Variants in SHCBP1L observed in about 807,000 individuals in gnomAD.
SHCBP1L encodes SHC binding and spindle associated 1 like.
Under a neutral mutation model 62.5 loss-of-function variants are expected in SHCBP1L, and 67 were observed. That is an observed-to-expected ratio of 1.07 (90% CI 0.88 to 1.31). The LOEUF is 1.31. Ranked by LOEUF, SHCBP1L falls within the 40% of genes most tolerant of loss-of-function variation. The pLI, the probability that SHCBP1L is intolerant of heterozygous loss-of-function variation, is 0.00. For missense variants in SHCBP1L, 823 were observed against 809.8 expected (o/e 1.02, Z -0.20); for synonymous variants, 284 against 289.4 (o/e 0.98, Z 0.19).
Position 182,924,778 on chromosome 1 carries a change from A to G in SHCBP1L, c.1182+4869T>C, listed in dbSNP as rs868588535. On this transcript the variant is annotated intron_variant, in intron 6 of 9. Transcript: ENST00000367547. ...AAAGAAAGAAAGAAAGAAAGAAAGA[A>G]AGAAAGAAAGAGAGAAAGAAAGGAA... is the stretch of plus-strand genomic sequence containing the variant. Among the ~76,000 whole-genome samples, 35 of 99,096 alleles carry G rather than the reference A, an allele frequency of 3.5e-4. 4 individuals are homozygous for G. The highest frequency in any genetic ancestry group is 2.5e-3 in the East Asian group (9 of 3,572). 65.0% of individuals were successfully genotyped at this position (99,096 alleles called of 152,430 possible). A position where few individuals can be genotyped will look rare whatever the true frequency, so the allele number is the denominator to read the frequency against.
intron 6 of SHCBP1L, among the ~76,000 whole-genome samples, chr1:182,921,722 A>G (rs539418595): frequency 5.3e-5 from 8 of 152,314 alleles, no homozygotes; most frequent in African/African-American, 1.7e-4. Context: ...CTTGGCCAAC[A>G]TGGCAAAACC....
At position 182,953,136 on chromosome 1, in the gene SHCBP1L, C is replaced by A. The variant is rs966160246; in HGVS notation, c.-3G>T. 7 of 1,580,020 alleles carry A rather than the reference C, an allele frequency of 4.4e-6. No homozygotes were observed. In the African/African-American group the frequency reaches 9.4e-5, roughly 21 times the overall value. On this transcript the variant is annotated 5_prime_UTR_variant, in exon 1 of 10. Coordinates refer to ENST00000367547, the MANE Select transcript of SHCBP1L (RefSeq NM_030933.4). Reference sequence around the variant, plus strand: ...GAGGCCTTGGAGCCCGACGCCATCTCCTCAGCAGCCCGAGGGCCGAGGCAG... The same window carrying A: ...GAGGCCTTGGAGCCCGACGCCATCTACTCAGCAGCCCGAGGGCCGAGGCAG...
chr1:182,928,297 CCATGTACCAAGCAT>C (rs1650850622), intron 6 of SHCBP1L, among the ~76,000 whole-genome samples: 1 of 152,016 alleles, frequency 6.6e-6, no homozygotes, highest in South Asian at 2.1e-4. Context: ...TGGGCACCTA[CCATGTACCAAGCAT>C]CATGCTAGGT....
chr1:182,942,391 C>G, intron 2 of SHCBP1L: 1 of 733,780 alleles, frequency 1.4e-6, no homozygotes, highest in South Asian at 1.4e-5. Context: ...AGCTGACCTT[C>G]CTCTTGGGTA....
intron 6 of SHCBP1L, among the ~76,000 whole-genome samples, chr1:182,913,297 T>C (rs1034515000): frequency 6.6e-6 from 1 of 152,150 alleles, no homozygotes; most frequent in African/African-American, 2.4e-5. Context: ...GTGACTGGTG[T>C]CTGAGGGAGA....
chr1:182,928,558 C>A (rs1650857818), intron 6 of SHCBP1L, among the ~76,000 whole-genome samples: 1 of 152,010 alleles, frequency 6.6e-6, no homozygotes, highest in Admixed American at 6.6e-5. Context: ...AGTGGCTCAG[C>A]AGGCAGAGGA....
intron 8 of SHCBP1L, 122 bp from the exon 9 acceptor site, chr1:182,903,283 A>G (rs973698785): frequency 2.7e-6 from 2 of 734,066 alleles, no homozygotes; most frequent in African/African-American, 3.6e-5. Context: ...ACGTGCAAAT[A>G]CGTGATCATG....
intron 5 of SHCBP1L, among the ~76,000 whole-genome samples, chr1:182,932,585 C>T (rs1651042344): frequency 6.6e-6 from 1 of 152,136 alleles, no homozygotes; most frequent in African/African-American, 2.4e-5. Flanking sequence ...ACCTCTGCCT[C>T]CCGGGTTCAA....
At chr1:182,915,271 T>C (rs1397027201) in intron 6 of SHCBP1L, among the ~76,000 whole-genome samples, 1 of 146,132 alleles carries the variant, frequency 6.8e-6, no homozygotes, top group Non-Finnish European at 1.5e-5. Flanking sequence ...CAAACAGTAA[T>C]TGAAAAAGAG....
At chr1:182,913,470 C>T (rs1163749392) in intron 6 of SHCBP1L, among the ~76,000 whole-genome samples, 1 of 152,136 alleles carries the variant, frequency 6.6e-6, no homozygotes, top group Non-Finnish European at 1.5e-5. Flanking sequence ...CAGAAGTTTT[C>T]TGTATTGATA....
At chr1:182,924,786 A>AAGAAAGAGAGAG (rs1557996865) in intron 6 of SHCBP1L, among the ~76,000 whole-genome samples, 2 of 92,970 alleles carry the variant, frequency 2.2e-5, no homozygotes, top group African/African-American at 9.7e-5. Context: ...GAAAGAAAGA[A>AAGAAAGAGAGAG]AGAGAGAAAG....
At chr1:182,902,349 C>A (rs1410928536) in intron 9 of SHCBP1L, among the ~76,000 whole-genome samples, 3 of 152,054 alleles carry the variant, frequency 2.0e-5, no homozygotes, top group South Asian at 4.2e-4. Flanking sequence ...CTGTGCCTGG[C>A]CTTGTACCTT....
At position 182,939,381 on chromosome 1, in the gene SHCBP1L, G is replaced by T. The variant is rs143546680; in HGVS notation, c.871C>A (p.Gln291Lys). The T allele has an allele frequency of 8.7e-6, 14 of 1,612,922 alleles. No homozygotes were observed. The highest frequency in any genetic ancestry group is 1.2e-5 in the Non-Finnish European group (14 of 1,179,648). The change falls in exon 5 of 10, where the codon CAG becomes AAG. Residue 291 changes from glutamine to lysine, a missense_variant. Gln to Lys is a moderately conservative substitution (Grantham distance 53). Transcript: ENST00000367547. ...ATAGGACCAGGTATTGTTCCATCCT[G>T]TATATCACACCACCTGAAAATTATC... is the stretch of plus-strand genomic sequence containing the variant. ...EERINLWCDI[Q>K]DGTIPGPIAQ...
chr1:182,918,763 C>G (rs946821487), intron 6 of SHCBP1L, among the ~76,000 whole-genome samples: 6 of 152,016 alleles, frequency 3.9e-5, no homozygotes, highest in Non-Finnish European at 8.8e-5. Flanking sequence ...TACTACAAAG[C>G]CACAGTAATA....
At chr1:182,949,827 C>CA (rs1651688975) in intron 2 of SHCBP1L, among the ~76,000 whole-genome samples, 1 of 136,938 alleles carries the variant, frequency 7.3e-6, no homozygotes, top group Non-Finnish European at 1.6e-5. Flanking sequence ...ATATGGTATT[C>CA]TTTTTTTTTT....
Position 182,939,223 on chromosome 1 carries a change from T to A in SHCBP1L, c.1029A>T (p.Ile343=). 1 of 1,613,980 alleles carries A rather than the reference T, an allele frequency of 6.2e-7. No individual in the cohort carries two copies. Among genetic ancestry groups the A allele is most frequent in the Non-Finnish European group, 8.5e-7 (1 of 1,179,952 alleles). ...TTTTCAGTAATCCACAGAGCATGAC[T>A]ATCTCATAGTATTTTTTCCAGCATT... ...AVECWKKYYE[I]VMLCGLLKMW... is the part of the protein sequence containing the mutation. The change falls in exon 5 of 10, where the codon ATA becomes ATT. Residue 343 remains isoleucine, a synonymous_variant. Coordinates refer to ENST00000367547, the MANE Select transcript of SHCBP1L (RefSeq NM_030933.4).
At chr1:182,908,249 T>TC (rs1338472445) in intron 6 of SHCBP1L, among the ~76,000 whole-genome samples, 5 of 152,240 alleles carry the variant, frequency 3.3e-5, no homozygotes, top group African/African-American at 1.2e-4. Context: ...AGGTAGTTTT[T>TC]CAACAGACAT....
chr1:182,932,155 A>G (rs1277239212), intron 5 of SHCBP1L, among the ~76,000 whole-genome samples: 1 of 139,782 alleles, frequency 7.2e-6, no homozygotes, highest in Non-Finnish European at 1.5e-5. Context: ...GGGTGTCCCA[A>G]CATTCCTTGT....
rs1491297529 is a variant in SHCBP1L, at chr1:182,924,793, A to AGAAAGG, written c.1182+4853_1182+4854insCCTTTC. On this transcript the variant is annotated intron_variant, in intron 6 of 9. Transcript: ENST00000367547. ...GAAAGAAAGAAAGAAAGAAAGAGAGAAAGAAAGGAAGGAAGGAAGGAGGGA... is the reference window on the plus strand; with the variant it reads ...GAAAGAAAGAAAGAAAGAAAGAGAGAGAAAGGAAGAAAGGAAGGAAGGAAGGAGGGA... Among the ~76,000 whole-genome samples, 478 of 118,958 alleles carry AGAAAGG rather than the reference A, an allele frequency of 4.0e-3. 24 individuals are homozygous for AGAAAGG. Among genetic ancestry groups the AGAAAGG allele is most frequent in the African/African-American group, 0.018 (360 of 20,528 alleles). 78.0% of individuals were successfully genotyped at this position (118,958 alleles called of 152,430 possible).
Sources: allele counts gnomAD v4.1 joint callset (sites outside exome capture counted in the v4.1 genomes callset), GRCh38; gene constraint gnomAD v4.1.1; transcripts MANE v1.5; gene names NCBI Gene and HGNC (gene_info 2026-07-23, HGNC 2026-07-21).